ASIC2: variants seen among roughly 807,000 people sequenced by gnomAD.
ASIC2 encodes acid sensing ion channel subunit 2.
ASIC2 carries 25 observed loss-of-function variants against 57.3 expected under a neutral mutation model. That is an observed-to-expected ratio of 0.44 (90% CI 0.32 to 0.61). The LOEUF (loss-of-function observed/expected upper bound fraction) is 0.61. ASIC2 is among the 20% of genes least tolerant of loss of function. The pLI is 0.06. For synonymous variants in ASIC2, 319 were observed against 307.5 expected, an observed-to-expected ratio of 1.04 and a Z score of -0.39; for missense variants, 641 against 738.1, an observed-to-expected ratio of 0.87 and a Z score of 1.52.
At chr17:33,690,995 C>A (rs1908349884) in intron 1 of ASIC2, among the ~76,000 whole-genome samples, 1 of 151,994 alleles carries the variant, frequency 6.6e-6, no homozygotes, top group South Asian at 2.1e-4. Context: ...GTGATCTGCC[C>A]ATCTCGGCCT....
intron 3 of ASIC2, among the ~76,000 whole-genome samples, chr17:33,082,455 T>C (rs566000897): frequency 7.0e-4 from 107 of 152,248 alleles, no homozygotes; most frequent in Middle Eastern, 6.8e-3. Context: ...TCCTAGCACT[T>C]TGGAAGGCAG....
chr17:33,739,620 G>A (rs1270955802), intron 1 of ASIC2, among the ~76,000 whole-genome samples: 1 of 152,148 alleles, frequency 6.6e-6, no homozygotes, highest in Non-Finnish European at 1.5e-5. Flanking sequence ...AGCTGCACTT[G>A]GCCTCTCACT....
In ASIC2 at chr17:33,017,694, G is replaced by C. The variant is rs1467599898; in HGVS notation, c.1442-10C>G. ...TGACCACCAATATCACCTGGAGAGA[G>C]AGGGAAAAGACCAAAGCTTTGCTTT... On this transcript the variant is annotated splice_polypyrimidine_tract_variant and intron_variant, in intron 7 of 9. Coordinates refer to ENST00000225823, the MANE Select transcript of ASIC2 (RefSeq NM_183377.2). The C allele has an allele frequency of 5.6e-6, 9 of 1,610,972 alleles. No homozygotes were observed. The Admixed American group carries it at 1.2e-4, about 21-fold the overall frequency.
intron 1 of ASIC2, chr17:33,530,027 G>A (rs1439389523): frequency 6.6e-6 from 1 of 152,160 alleles, no homozygotes. Flanking sequence ...CTAGTACAAA[G>A]TAGGTCCAGG....
chr17:33,591,766 T>C (rs1490678643), intron 1 of ASIC2, among the ~76,000 whole-genome samples: 1 of 152,196 alleles, frequency 6.6e-6, no homozygotes, highest in Non-Finnish European at 1.5e-5. Context: ...CATATTGATA[T>C]TCCTGGGATC....
At chr17:33,947,600 GC>G (rs139918075) in intron 1 of ASIC2, among the ~76,000 whole-genome samples, 5,838 of 152,254 alleles carry the variant, frequency 0.038, 379 homozygotes, top group African/African-American at 0.13. Flanking sequence ...GCATGCAAAA[GC>G]CACAAAGAAG....
intron 1 of ASIC2, among the ~76,000 whole-genome samples, chr17:34,060,954 C>G (rs190951280): frequency 1.9e-3 from 287 of 152,202 alleles, no homozygotes; most frequent in African/African-American, 6.7e-3. Flanking sequence ...ACTTCCCTGG[C>G]CTTGCGAAAG....
At chr17:33,084,598 A>T (rs1029184956) in intron 3 of ASIC2, among the ~76,000 whole-genome samples, 1 of 152,238 alleles carries the variant, frequency 6.6e-6, no homozygotes, top group Non-Finnish European at 1.5e-5. Flanking sequence ...GAGATATCAG[A>T]ACCCCCCCTG....
chr17:33,719,837 G>A lies in ASIC2; in HGVS notation c.555+436141C>T, dbSNP rs190564957. Reference sequence around the variant, plus strand: ...CTTATCCCTTCAAAGGAGTTTGGCCGCACAGCGAGAATGAATGTGTGTCAT... The same window carrying A: ...CTTATCCCTTCAAAGGAGTTTGGCCACACAGCGAGAATGAATGTGTGTCAT... On this transcript the variant is annotated intron_variant, in intron 1 of 9. Coordinates refer to the ASIC2 transcript ENST00000359872. Among the ~76,000 whole-genome samples the A allele has an allele frequency of 3.2e-3, 488 of 152,270 alleles. 1 individual carries two copies. The highest frequency in any genetic ancestry group is 0.011 in the African/African-American group (472 of 41,548).
At chr17:34,085,727 G>T (rs1910089810) in intron 1 of ASIC2, among the ~76,000 whole-genome samples, 1 of 152,080 alleles carries the variant, frequency 6.6e-6, no homozygotes, top group African/African-American at 2.4e-5. Context: ...CCTGTTATTG[G>T]TCTATTCAGA....
At chr17:33,026,979 C>T (rs2091861965) in intron 4 of ASIC2, among the ~76,000 whole-genome samples, 1 of 152,098 alleles carries the variant, frequency 6.6e-6, no homozygotes, top group Non-Finnish European at 1.5e-5. Flanking sequence ...TTAAAACATA[C>T]AAATTTATTA....
At chr17:33,301,434 A>G (rs1048946804) in intron 1 of ASIC2, among the ~76,000 whole-genome samples, 1 of 152,198 alleles carries the variant, frequency 6.6e-6, no homozygotes, top group African/African-American at 2.4e-5. Context: ...CAGAATGTGG[A>G]TAAGTGACTA....
intron 1 of ASIC2, among the ~76,000 whole-genome samples, chr17:33,360,483 A>C (rs1296563282): frequency 1.3e-5 from 2 of 152,174 alleles, no homozygotes. Flanking sequence ...TTCTCTCTGA[A>C]TACCCTTGCC....
chr17:33,192,763 G>A (rs1381583343), intron 1 of ASIC2, among the ~76,000 whole-genome samples: 1 of 152,118 alleles, frequency 6.6e-6, no homozygotes, highest in Non-Finnish European at 1.5e-5. Context: ...TTTCTCATAA[G>A]TACCCAGATA....
chr17:33,039,019 G>A (rs1480673282), intron 3 of ASIC2, among the ~76,000 whole-genome samples: 2 of 152,208 alleles, frequency 1.3e-5, no homozygotes, highest in Non-Finnish European at 2.9e-5. Flanking sequence ...TGCTGTGAGT[G>A]GATGCTGAGA....
At chr17:33,921,091 G>A (rs766426592) in intron 1 of ASIC2, among the ~76,000 whole-genome samples, 19 of 152,204 alleles carry the variant, frequency 1.2e-4, no homozygotes, top group African/African-American at 4.6e-4. Context: ...ATTTTTTGTT[G>A]TGTCTCACGT....
At chr17:33,542,925 G>A (rs2141970461) in intron 1 of ASIC2, among the ~76,000 whole-genome samples, 1 of 151,966 alleles carries the variant, frequency 6.6e-6, no homozygotes, top group South Asian at 2.1e-4. Flanking sequence ...AGAAAATGTG[G>A]CACATATACA....
chr17:33,598,402 T>C (rs150869600), intron 1 of ASIC2, among the ~76,000 whole-genome samples: 4 of 152,334 alleles, frequency 2.6e-5, no homozygotes, highest in African/African-American at 9.6e-5. Context: ...GGTTATTCCA[T>C]ATTCTTTGGG....
chr17:33,800,408 C>A (rs1486096972), intron 1 of ASIC2, among the ~76,000 whole-genome samples: 1 of 152,286 alleles, frequency 6.6e-6, no homozygotes, highest in South Asian at 2.1e-4. Flanking sequence ...CTTGCATACA[C>A]ACCTGCCTTT....
Sources: allele counts gnomAD v4.1 joint callset (sites outside exome capture counted in the v4.1 genomes callset), GRCh38; gene constraint gnomAD v4.1.1; transcripts MANE v1.5; gene names NCBI Gene and HGNC (gene_info 2026-07-23, HGNC 2026-07-21).